MACC1: variants seen among roughly 807,000 people sequenced by gnomAD.
MACC1 encodes the protein metastasis-associated in colon cancer protein 1.
MACC1 carries 79 observed loss-of-function variants against 70.7 expected under a neutral mutation model. That is an observed-to-expected ratio of 1.12 (90% CI 0.93 to 1.35). The LOEUF (loss-of-function observed/expected upper bound fraction) is 1.35, where lower values mean the gene tolerates loss of function less well. Among genes scored for constraint, MACC1 ranks in the 40% most tolerant of loss-of-function variants. MACC1 has a pLI of 0.00. For missense variants in MACC1, 1,106 were observed against 978.1 expected (o/e 1.13, Z -1.74); for synonymous variants, 361 against 347.2 (o/e 1.04, Z -0.44).
chr7:20,169,260 G>A (rs1782265514), intron 2 of MACC1, among the ~76,000 whole-genome samples: 1 of 152,190 alleles, frequency 6.6e-6, no homozygotes, highest in Non-Finnish European at 1.5e-5. Flanking sequence ...AAATAAATTA[G>A]CTACAAATCT....
chr7:20,192,294 T>C (rs1012085129), intron 1 of MACC1, among the ~76,000 whole-genome samples: 2 of 152,228 alleles, frequency 1.3e-5, no homozygotes, highest in Non-Finnish European at 2.9e-5. Flanking sequence ...CTGTGGTTAA[T>C]GATAGCCTCT....
chr7:20,157,319 A>C (rs1218961844), intron 5 of MACC1, among the ~76,000 whole-genome samples: 3 of 152,116 alleles, frequency 2.0e-5, no homozygotes, highest in Non-Finnish European at 4.4e-5. Flanking sequence ...AGTACTTTGT[A>C]ATTCTACACT....
At chr7:20,198,790 C>G (rs896681194) in intron 1 of MACC1, 1 of 152,106 alleles carries the variant, frequency 6.6e-6, no homozygotes, top group African/African-American at 2.4e-5. Flanking sequence ...TGATGTAGAA[C>G]AATTCCTTCA....
chr7:20,135,682 T>A lies in MACC1; in HGVS notation c.*5264A>T, dbSNP rs1191121565. 6.6e-6 allele frequency: 1 copy of A among 152,190 alleles called. No individual in the cohort carries two copies. The highest frequency in any genetic ancestry group is 1.5e-5 in the Non-Finnish European group (1 of 68,046). 9.4% of individuals were successfully genotyped at this position (152,190 alleles called of 1,614,324 possible). On this transcript the variant is annotated 3_prime_UTR_variant, in exon 7 of 7. Coordinates refer to ENST00000400331, the MANE Select transcript of MACC1 (RefSeq NM_182762.4). ...GCTGCTGCTGAAGTTGAAGAACCAC[T>A]GCCGTAATGATTGCCTGGTCTAAGG...
chr7:20,209,843 G>A (rs1782970485), intron 1 of MACC1, among the ~76,000 whole-genome samples: 1 of 152,136 alleles, frequency 6.6e-6, no homozygotes, highest in South Asian at 2.1e-4. Context: ...CTGATGAGAG[G>A]TAATTGAATC....
chr7:20,143,067 T>C (rs1467766232), intron 6 of MACC1, among the ~76,000 whole-genome samples: 1 of 152,206 alleles, frequency 6.6e-6, no homozygotes, highest in Non-Finnish European at 1.5e-5. Flanking sequence ...AATTTTGGGG[T>C]TGTCCACTAC....
chr7:20,191,274 G>C (rs758444374), intron 1 of MACC1, among the ~76,000 whole-genome samples: 2 of 152,232 alleles, frequency 1.3e-5, no homozygotes, highest in Non-Finnish European at 2.9e-5. Context: ...CAAAAGGGAA[G>C]AGGAAGTTGT....
chr7:20,158,559 A>G lies in MACC1; in HGVS notation c.1802T>C (p.Val601Ala), dbSNP rs777542775. The G allele has an allele frequency of 6.2e-7, 1 of 1,613,872 alleles. No individual in the cohort carries two copies. The highest frequency in any genetic ancestry group is 1.7e-5 in the Admixed American group (1 of 59,984). ...QSKVKEWYVG[V>A]LRGKIGLVHC... ...TACAAGTCCAATCTTACCTCTGAGG[A>G]CTCCTACATACCATTCTTTCACTTT... Residue 601 changes from valine to alanine, a missense_variant, in exon 5 of 7, where the codon GTC becomes GCC. Transcript: ENST00000400331.
Position 20,158,233 on chromosome 7 carries a change from T to C in MACC1, c.2128A>G (p.Thr710Ala). 1.3e-6 allele frequency: 2 copies of C among 1,591,602 alleles called. No individual in the cohort carries two copies. The highest frequency in any genetic ancestry group is 1.4e-5 in the African/African-American group (1 of 73,562). ...LKEDCHTERN[T>A]RKFLYELIVA... Reference sequence around the variant, plus strand: ...ATAAGTTCATACAGAAACTTCCTTGTATTTCTCTCTGTGTGGCAATCTTCC... The same window carrying C: ...ATAAGTTCATACAGAAACTTCCTTGCATTTCTCTCTGTGTGGCAATCTTCC... The change falls in exon 5 of 7, where the codon ACA becomes GCA. Residue 710 changes from threonine to alanine, a missense_variant. Thr to Ala is a moderately conservative substitution (Grantham distance 58, BLOSUM62 0). Transcript: ENST00000400331.
At chr7:20,177,041 A>G (rs909664355) in intron 1 of MACC1, among the ~76,000 whole-genome samples, 4 of 152,106 alleles carry the variant, frequency 2.6e-5, no homozygotes, top group African/African-American at 9.6e-5. Flanking sequence ...AATGTCAAAG[A>G]GCTATACATA....
chr7:20,151,257 A>C (rs1328255290), intron 6 of MACC1, among the ~76,000 whole-genome samples: 1 of 152,194 alleles, frequency 6.6e-6, no homozygotes, highest in African/African-American at 2.4e-5. Flanking sequence ...TGAATTTCTT[A>C]TCTCTGAATC....
At chr7:20,188,048 AAGG>A (rs749855256) in intron 1 of MACC1, among the ~76,000 whole-genome samples, 2 of 152,182 alleles carry the variant, frequency 1.3e-5, no homozygotes, top group Non-Finnish European at 1.5e-5. Flanking sequence ...TGATAGCAGT[AAGG>A]AGAAGTGCCG....
At chr7:20,144,462 T>C (rs1353441095) in intron 6 of MACC1, among the ~76,000 whole-genome samples, 1 of 152,208 alleles carries the variant, frequency 6.6e-6, no homozygotes, top group African/African-American at 2.4e-5. Flanking sequence ...CTGTTGCCTA[T>C]TTGATAGGTT....
chr7:20,184,478 T>C, intron 1 of MACC1, among the ~76,000 whole-genome samples: 1 of 152,182 alleles, frequency 6.6e-6, no homozygotes, highest in East Asian at 1.9e-4. Context: ...TCTTTCTCAT[T>C]ATCAAATAAA....
chr7:20,142,511 GT>G (rs1781821237), intron 6 of MACC1, among the ~76,000 whole-genome samples: 1 of 152,094 alleles, frequency 6.6e-6, no homozygotes, highest in African/African-American at 2.4e-5. Flanking sequence ...TTGTATATAA[GT>G]TTTACCCTCA....
intron 1 of MACC1, among the ~76,000 whole-genome samples, chr7:20,203,817 T>C (rs1324399079): frequency 6.6e-6 from 1 of 152,188 alleles, no homozygotes; most frequent in African/African-American, 2.4e-5. Context: ...ATTAATTTTT[T>C]CAATTTAACA....
Position 20,138,987 on chromosome 7 carries a change from C to T in MACC1, c.*1959G>A, listed in dbSNP as rs1301209932. 6.6e-6 allele frequency: 1 copy of T among 152,070 alleles called. No individual in the cohort carries two copies. Among genetic ancestry groups the T allele is most frequent in the African/African-American group, 2.4e-5 (1 of 41,422 alleles). 9.4% of individuals were successfully genotyped at this position (152,070 alleles called of 1,614,324 possible). A position where few individuals can be genotyped will look rare whatever the true frequency, so the allele number is the denominator to read the frequency against. On this transcript the variant is annotated 3_prime_UTR_variant, in exon 7 of 7. Coordinates refer to ENST00000400331, the MANE Select transcript of MACC1 (RefSeq NM_182762.4). ...GCGCCCGGCCAAGATTATTCTTAAA[C>T]GCCAATTTGAATTACCATTGCCAGC...
intron 1 of MACC1, among the ~76,000 whole-genome samples, chr7:20,191,626 A>G (rs1478729432): frequency 1.3e-5 from 2 of 152,190 alleles, no homozygotes; most frequent in Admixed American, 6.5e-5. Context: ...GCAGGCATCC[A>G]TAGCTTCAAG....
intron 6 of MACC1, among the ~76,000 whole-genome samples, chr7:20,144,282 C>T (rs939252748): frequency 2.0e-5 from 3 of 152,154 alleles, no homozygotes; most frequent in African/African-American, 7.2e-5. Flanking sequence ...TAGACACCTG[C>T]ACAAACACTG....
Sources: gnomAD v4.1 joint callset for allele counts (sites outside exome capture counted in the v4.1 genomes callset) on GRCh38, gnomAD v4.1.1 for gene constraint, MANE v1.5 for transcripts, NCBI Gene and HGNC (gene_info 2026-07-23, HGNC 2026-07-21) for gene names.